TNNI3K: variants seen among roughly 807,000 people sequenced by gnomAD.
TNNI3K encodes the protein TNNI3 interacting kinase.
Under a neutral mutation model 114.5 loss-of-function variants are expected in TNNI3K, and 140 were observed. The ratio of observed to expected loss-of-function variants is 1.22; its 90% CI spans 1.07 to 1.41. TNNI3K has a LOEUF of 1.41. Among genes scored for constraint, TNNI3K ranks in the 40% most tolerant of loss-of-function variants. TNNI3K has a pLI of 0.00. For synonymous variants in TNNI3K, 347 were observed against 347.5 expected (o/e 1.00, Z 0.02); for missense variants, 1,125 against 1,007.6 (o/e 1.12, Z -1.58).
intron 4 of TNNI3K, among the ~76,000 whole-genome samples, chr1:74,253,696 C>G (rs544556947): frequency 6.6e-6 from 1 of 152,112 alleles, no homozygotes; most frequent in South Asian, 2.1e-4. Flanking sequence ...CCGCAAGCCC[C>G]GCCGTGCGGC....
At chr1:74,348,003 T>C (rs1661113688) in intron 9 of TNNI3K, among the ~76,000 whole-genome samples, 1 of 152,236 alleles carries the variant, frequency 6.6e-6, no homozygotes, top group African/African-American at 2.4e-5. Context: ...TTAGTTTAAT[T>C]AGATCCCATT....
At chr1:74,491,647 T>C (rs1025054051) in intron 22 of TNNI3K, among the ~76,000 whole-genome samples, 3 of 152,246 alleles carry the variant, frequency 2.0e-5, no homozygotes, top group African/African-American at 7.2e-5. Context: ...TTTCGTCTTA[T>C]AAAATTGATG....
In TNNI3K at chr1:74,342,896, G is replaced by C; in HGVS notation, c.737G>C (p.Gly246Ala). 1 of 1,613,806 alleles carries C rather than the reference G, an allele frequency of 6.2e-7. No individual in the cohort carries two copies. Among genetic ancestry groups the C allele is most frequent in the Non-Finnish European group, 8.5e-7 (1 of 1,179,902 alleles). Residue 246 changes from glycine to alanine, a missense_variant, in exon 8 of 25, where the codon GGA becomes GCA. Transcript: ENST00000326637. The part of the protein sequence containing the change: ...HVPLHFCSRF[G>A]HHDIVKYLLQ... Reference sequence around the variant, plus strand: ...CCACTCCATTTCTGTTCTCGATTTGGACACCATGATATAGTTAAGTATCTG... The same window carrying C: ...CCACTCCATTTCTGTTCTCGATTTGCACACCATGATATAGTTAAGTATCTG...
At chr1:74,464,760 T>C in intron 21 of TNNI3K, 1 of 1,558,540 alleles carries the variant, frequency 6.4e-7, no homozygotes, top group African/African-American at 1.4e-5. Context: ...TCCTGGCCAT[T>C]CAACCTGATG....
chr1:74,354,431 A>G (rs945711634), intron 11 of TNNI3K, among the ~76,000 whole-genome samples: 8 of 151,976 alleles, frequency 5.3e-5, no homozygotes, highest in African/African-American at 1.9e-4. Flanking sequence ...GAGTGGGCTC[A>G]GAGCTAGTCT....
intron 7 of TNNI3K, among the ~76,000 whole-genome samples, chr1:74,339,143 C>T (rs1007562453): frequency 1.3e-5 from 2 of 152,078 alleles, no homozygotes; most frequent in Non-Finnish European, 1.5e-5. Flanking sequence ...TCTTTCAGTG[C>T]AAAAGGCATT....
At chr1:74,348,114 G>C (rs776741360) in intron 9 of TNNI3K, among the ~76,000 whole-genome samples, 9,509 of 151,946 alleles carry the variant, frequency 0.063, 388 homozygotes, top group South Asian at 0.12. Context: ...TTTCTTCTAG[G>C]GTTTTTATGG....
intron 17 of TNNI3K, among the ~76,000 whole-genome samples, chr1:74,412,936 C>G (rs1356625211): frequency 6.6e-6 from 1 of 152,146 alleles, no homozygotes; most frequent in African/African-American, 2.4e-5. Context: ...TCTTAATCCC[C>G]TCTTCTCTAA....
chr1:74,450,798 G>C (rs1666956732), intron 20 of TNNI3K, among the ~76,000 whole-genome samples: 4 of 152,150 alleles, frequency 2.6e-5, no homozygotes, highest in Non-Finnish European at 5.9e-5. Context: ...CACTGATGGT[G>C]GGTATGTAAA....
At chr1:74,464,964 G>T in intron 21 of TNNI3K, 10 of 1,219,910 alleles carry the variant, frequency 8.2e-6, no homozygotes, top group Non-Finnish European at 1.0e-5. Context: ...TCTGAATTTT[G>T]ATGTCCAGAA....
At chr1:74,532,671 T>C (rs1249456502) in intron 23 of TNNI3K, among the ~76,000 whole-genome samples, 2 of 135,928 alleles carry the variant, frequency 1.5e-5, no homozygotes, top group African/African-American at 5.5e-5. Context: ...TTCCCCTCCC[T>C]GTGTCCATGT....
At chr1:74,245,714 T>A (rs1654510679) in intron 2 of TNNI3K, among the ~76,000 whole-genome samples, 1 of 152,198 alleles carries the variant, frequency 6.6e-6, no homozygotes, top group African/African-American at 2.4e-5. Flanking sequence ...TTCTCCAGGG[T>A]ACTGCTAAAA....
intron 17 of TNNI3K, among the ~76,000 whole-genome samples, chr1:74,394,947 G>A (rs927233015): frequency 4.6e-5 from 7 of 152,026 alleles, no homozygotes; most frequent in Non-Finnish European, 1.0e-4. Flanking sequence ...GGGAGGCTGA[G>A]GCAGGAGAAT....
chr1:74,296,983 C>A (rs1658027501), intron 5 of TNNI3K, among the ~76,000 whole-genome samples: 1 of 151,876 alleles, frequency 6.6e-6, no homozygotes, highest in African/African-American at 2.4e-5. Context: ...TGAGAAAATC[C>A]CTCAGGCATT....
chr1:74,318,199 C>G (rs1173648631), intron 5 of TNNI3K, among the ~76,000 whole-genome samples: 1 of 152,122 alleles, frequency 6.6e-6, no homozygotes, highest in Non-Finnish European at 1.5e-5. Flanking sequence ...ATACATTTAA[C>G]CCATTTTGAG....
chr1:74,541,014 C>G (rs929468104), intron 24 of TNNI3K, among the ~76,000 whole-genome samples: 1 of 152,160 alleles, frequency 6.6e-6, no homozygotes, highest in Non-Finnish European at 1.5e-5. Context: ...CTTTTACCAA[C>G]CTTTAAGCCT....
At chr1:74,241,717 T>G (rs1056452780) in intron 2 of TNNI3K, among the ~76,000 whole-genome samples, 2 of 152,192 alleles carry the variant, frequency 1.3e-5, no homozygotes, top group Non-Finnish European at 2.9e-5. Flanking sequence ...TTTCTCCCAT[T>G]CTGTAGGTTG....
Position 74,439,547 on chromosome 1 carries a change from G to A in TNNI3K, c.1936G>A (p.Ala646Thr). 1.2e-6 allele frequency: 2 copies of A among 1,613,538 alleles called. No individual in the cohort carries two copies. Among genetic ancestry groups the A allele is most frequent in the South Asian group, 1.1e-5 (1 of 91,070 alleles). ...FTQCTRYTIKADVFSYALCLW... is the reference protein window; with the variant it reads ...FTQCTRYTIKTDVFSYALCLW... ...GCAGTGCACTCGGTACACCATCAAA[G>A]CAGATGTCTTCAGCTATGCTCTGTG... Residue 646 changes from alanine (A) to threonine (T), a missense_variant, in exon 20 of 25, where the codon GCA becomes ACA. Physicochemically the swap from Ala to Thr is moderately conservative, Grantham distance 58 (BLOSUM62 0). Transcript: ENST00000326637.
intron 21 of TNNI3K, chr1:74,471,071 T>A (rs1236665693): frequency 2.5e-6 from 1 of 400,644 alleles, no homozygotes. Flanking sequence ...TGTGAGTGCC[T>A]GTGCTCAGCA....
Sources: gnomAD v4.1 joint callset for allele counts (sites outside exome capture counted in the v4.1 genomes callset) on GRCh38, gnomAD v4.1.1 for gene constraint, MANE v1.5 for transcripts, NCBI Gene and HGNC (gene_info 2026-07-23, HGNC 2026-07-21) for gene names.